GOLGA8A: variants seen among roughly 807,000 people sequenced by gnomAD.
GOLGA8A encodes the protein golgin subfamily A member 8A.
In GOLGA8A, 3 loss-of-function variants were observed where a neutral mutation model predicts 22.1. The observed-to-expected ratio is 0.14, with a 90% CI of 0.06 to 0.35. GOLGA8A has a LOEUF of 0.35. GOLGA8A is among the 10% of genes least tolerant of loss of function. The pLI, the probability that GOLGA8A is intolerant of heterozygous loss-of-function variation, is 1.00. For synonymous variants in GOLGA8A, 7 were observed against 91.7 expected, an observed-to-expected ratio of 0.08 and a Z score of 5.28; for missense variants, 16 against 233.2, an observed-to-expected ratio of 0.07 and a Z score of 6.07.
chr15:34,425,149 C>A (rs1235356864), intron 2 of GOLGA8A, among the ~76,000 whole-genome samples: 1 of 143,730 alleles, frequency 7.0e-6, no homozygotes, highest in Non-Finnish European at 1.5e-5. Flanking sequence ...GAAAGGTTGG[C>A]GGAGAATGAA....
At chr15:34,431,343 A>C (rs11635766) in intron 2 of GOLGA8A, among the ~76,000 whole-genome samples, 28,322 of 115,620 alleles carry the variant, frequency 0.24, 4,863 homozygotes, top group South Asian at 0.32. Context: ...ATATATATAT[A>C]TATCTCACAC....
intron 2 of GOLGA8A, among the ~76,000 whole-genome samples, chr15:34,408,692 CA>C (rs1417275052): frequency 1.6e-5 from 2 of 127,040 alleles, no homozygotes; most frequent in African/African-American, 5.6e-5. Context: ...TCCTGTGTCT[CA>C]GGTGTCTCTG....
chr15:34,417,778 C>T (rs78891083), intron 2 of GOLGA8A: 1 of 135,860 alleles, frequency 7.4e-6, no homozygotes, highest in African/African-American at 2.8e-5. Context: ...TTTCTAAGAT[C>T]TAGGATGTAG....
rs1243110838 is a variant in GOLGA8A, at chr15:34,437,444, G to C, written c.-1258C>G. 1.4e-5 allele frequency: 2 copies of C among 138,068 alleles called. No homozygotes were observed. Among genetic ancestry groups the C allele is most frequent in the African/African-American group, 5.3e-5 (2 of 37,872 alleles). The allele number at this position is 138,068 out of a possible 1,614,324, so 8.6% of individuals were successfully genotyped here. A position where few individuals can be genotyped will look rare whatever the true frequency, so the allele number is the denominator to read the frequency against. On this transcript the variant is annotated 5_prime_UTR_variant, in exon 1 of 25. Transcript: ENST00000359187. ...CCCGGTCCGCCGCCGTCCTCGCCGCGCCGCCGTCCTCGCCGCGCCGCCGTC... is the reference window on the plus strand; with the variant it reads ...CCCGGTCCGCCGCCGTCCTCGCCGCCCCGCCGTCCTCGCCGCGCCGCCGTC...
chr15:34,436,822 C>A (rs1893539744), intron 1 of GOLGA8A, among the ~76,000 whole-genome samples: 1 of 149,936 alleles, frequency 6.7e-6, no homozygotes, highest in Non-Finnish European at 1.5e-5. Flanking sequence ...GCCCCCAACC[C>A]GGCGCCTGCA....
At chr15:34,435,711 G>A (rs535751811) in intron 1 of GOLGA8A, among the ~76,000 whole-genome samples, 1 of 148,634 alleles carries the variant, frequency 6.7e-6, no homozygotes, top group Admixed American at 6.8e-5. Context: ...ACAGTGGGGA[G>A]GAGCACAGAC....
chr15:34,397,414 T>C (rs62018287), intron 8 of GOLGA8A, among the ~76,000 whole-genome samples: 46,968 of 143,152 alleles, frequency 0.33, 3,476 homozygotes, highest in African/African-American at 0.41. Flanking sequence ...AATACATTTA[T>C]TTCACATGTA....
rs1893598127 is a variant in GOLGA8A, at chr15:34,437,477, C to CCGCTGCCGGGTCTCTCCCGGGG, written c.-1292_-1291insCCCCGGGAGAGACCCGGCAGCG. On this transcript the variant is annotated 5_prime_UTR_variant, in exon 1 of 25. Coordinates refer to ENST00000359187, the MANE Select transcript of GOLGA8A (RefSeq NM_181077.5). ...CCTCGCCGCGCCGCCGTCCTCGCCG[C>CCGCTGCCGGGTCTCTCCCGGGG]GCCGCCGTCCTCGCCGCGCCGCCGT... is the stretch of plus-strand genomic sequence containing the variant. 1.3e-5 allele frequency: 1 copy of CCGCTGCCGGGTCTCTCCCGGGG among 78,674 alleles called. No homozygotes were observed. 4.9% of individuals were successfully genotyped at this position (78,674 alleles called of 1,614,324 possible).
rs888791972 is a variant in GOLGA8A, at chr15:34,427,779, A to G, written c.-1123+7604T>C. On this transcript the variant is annotated intron_variant, in intron 2 of 24. Coordinates refer to ENST00000359187, the MANE Select transcript of GOLGA8A (RefSeq NM_181077.5). ...ACATGTTCAAAAGAAACAAGTGCACATAAATAAGCCAGGGCTCTACTCCCC... is the reference window on the plus strand; with the variant it reads ...ACATGTTCAAAAGAAACAAGTGCACGTAAATAAGCCAGGGCTCTACTCCCC... Among the ~76,000 whole-genome samples, 57 of 148,162 alleles carry G rather than the reference A, an allele frequency of 3.8e-4. 5 individuals carry two copies. Among genetic ancestry groups the G allele is most frequent in the African/African-American group, 1.3e-3 (52 of 40,196 alleles).
At chr15:34,429,418 G>A (rs1451400476) in intron 2 of GOLGA8A, among the ~76,000 whole-genome samples, 1 of 145,862 alleles carries the variant, frequency 6.9e-6, no homozygotes, top group Non-Finnish European at 1.5e-5. Flanking sequence ...TATGCCCAGG[G>A]TGCCACACTC....
At chr15:34,430,998 G>C in intron 2 of GOLGA8A, among the ~76,000 whole-genome samples, 2 of 147,188 alleles carry the variant, frequency 1.4e-5, no homozygotes, top group Middle Eastern at 3.5e-3. Flanking sequence ...TACACCAAAA[G>C]ACTGAGAAAC....
intron 2 of GOLGA8A, among the ~76,000 whole-genome samples, chr15:34,420,764 AG>A (rs1263505801): frequency 7.7e-6 from 1 of 129,636 alleles, no homozygotes; most frequent in Non-Finnish European, 1.7e-5. Flanking sequence ...CCCGGTTTTC[AG>A]CATCACACGG....
chr15:34,425,921 C>T (rs1764239072), intron 2 of GOLGA8A, among the ~76,000 whole-genome samples: 1 of 144,504 alleles, frequency 6.9e-6, no homozygotes, highest in Admixed American at 7.2e-5. Context: ...AAAGACTGAT[C>T]ATGTCCAGAG....
Position 34,421,427 on chromosome 15 carries a change from T to C in GOLGA8A, c.-1122-13692A>G, listed in dbSNP as rs1414691510. ...AAGACTGACTGTGGCAAGATAAGGGTTTAAAATTGAAAATCAAAGAGCCAT... is the reference window on the plus strand; with the variant it reads ...AAGACTGACTGTGGCAAGATAAGGGCTTAAAATTGAAAATCAAAGAGCCAT... On this transcript the variant is annotated intron_variant, in intron 2 of 24. Coordinates refer to ENST00000359187, the MANE Select transcript of GOLGA8A (RefSeq NM_181077.5). 5.0e-5 allele frequency among the ~76,000 whole-genome samples: 7 copies of C among 139,912 alleles called. 1 individual carries two copies. The highest frequency in any genetic ancestry group is 9.3e-5 in the Non-Finnish European group (6 of 64,652). The allele number at this position is 139,912 out of a possible 152,430, so 91.8% of individuals were successfully genotyped here.
intron 2 of GOLGA8A, among the ~76,000 whole-genome samples, chr15:34,412,144 A>T: frequency 8.7e-5 from 5 of 57,668 alleles, no homozygotes; most frequent in Admixed American, 2.1e-4. Flanking sequence ...TTCTGTCTCA[A>T]CCTCCCGAGT....
intron 2 of GOLGA8A, among the ~76,000 whole-genome samples, chr15:34,431,903 T>C (rs1168465590): frequency 6.7e-6 from 1 of 149,346 alleles, no homozygotes; most frequent in Non-Finnish European, 1.5e-5. Flanking sequence ...ACCTCTGTCA[T>C]ATATGCTATC....
In GOLGA8A at chr15:34,428,008, C is replaced by G. The variant is rs988191032; in HGVS notation, c.-1123+7375G>C. ...ATATTAGATGTCTGATTAAAATCATCAAGATGATACAAAGGTCTAATCGCA... is the reference window on the plus strand; with the variant it reads ...ATATTAGATGTCTGATTAAAATCATGAAGATGATACAAAGGTCTAATCGCA... On this transcript the variant is annotated intron_variant, in intron 2 of 24. Coordinates refer to ENST00000359187, the MANE Select transcript of GOLGA8A (RefSeq NM_181077.5). Among the ~76,000 whole-genome samples the G allele has an allele frequency of 2.7e-5, 4 of 148,938 alleles. 1 individual carries two copies. In the East Asian group the frequency reaches 7.9e-4, roughly 29 times the overall value.
intron 2 of GOLGA8A, among the ~76,000 whole-genome samples, chr15:34,427,571 C>A (rs537519740): frequency 6.1e-5 from 9 of 148,110 alleles, no homozygotes; most frequent in Non-Finnish European, 7.5e-5. Flanking sequence ...CTCCTGGGGC[C>A]GCAGAATTCA....
rs1363799291 is a variant in GOLGA8A at position 34,379,954 on chromosome 15, C to G, written c.*1457G>C. The G allele has an allele frequency of 6.6e-6, 1 of 152,632 alleles. No homozygotes were observed. The highest frequency in any genetic ancestry group is 1.5e-5 in the Non-Finnish European group (1 of 68,046). The allele number at this position is 152,632 out of a possible 1,614,324, so 9.5% of individuals were successfully genotyped here. ...TCGTAAAGAAGTTTGTGAGGAAATACAACTCTGCGATCGTATAGACATGTT... is the reference window on the plus strand; with the variant it reads ...TCGTAAAGAAGTTTGTGAGGAAATAGAACTCTGCGATCGTATAGACATGTT... On this transcript the variant is annotated 3_prime_UTR_variant, in exon 25 of 25. Transcript: ENST00000359187.
Sources: allele counts gnomAD v4.1 joint callset (sites outside exome capture counted in the v4.1 genomes callset), GRCh38; gene constraint gnomAD v4.1.1; transcripts MANE v1.5; gene names NCBI Gene and HGNC (gene_info 2026-07-23, HGNC 2026-07-21).